Variants in PLD5 observed in about 807,000 individuals in gnomAD.
The protein encoded by PLD5 is inactive phospholipase D5.
In PLD5, 36 loss-of-function variants were observed where a neutral mutation model predicts 61.1. That is an observed-to-expected ratio of 0.59 (90% CI 0.45 to 0.78). The LOEUF (loss-of-function observed/expected upper bound fraction) is 0.78. PLD5 is among the 30% of genes least tolerant of loss of function. PLD5 has a pLI of 0.00. For missense variants in PLD5, 515 were observed against 644.4 expected (o/e 0.80, Z 2.17); for synonymous variants, 243 against 242.8 (o/e 1.00, Z -0.01).
intron 9 of PLD5, among the ~76,000 whole-genome samples, chr1:242,090,328 G>C (rs370563044): frequency 1.3e-5 from 2 of 152,006 alleles, no homozygotes; most frequent in Non-Finnish European, 2.9e-5. Context: ...CTTCAGCTTT[G>C]CTCCGGTGGA....
intron 2 of PLD5, among the ~76,000 whole-genome samples, chr1:242,297,380 C>A (rs181217838): frequency 2.8e-5 from 4 of 142,346 alleles, no homozygotes; most frequent in African/African-American, 1.0e-4. Flanking sequence ...AAGCTTCCCC[C>A]CTTTTCCTAT....
At chr1:242,160,963 T>G (rs1425642050) in intron 5 of PLD5, among the ~76,000 whole-genome samples, 1 of 151,648 alleles carries the variant, frequency 6.6e-6, no homozygotes, top group Non-Finnish European at 1.5e-5. Context: ...TACAATATGA[T>G]TGCTTTTTAA....
chr1:242,292,282 C>T (rs1183798646), intron 2 of PLD5, among the ~76,000 whole-genome samples: 2 of 152,040 alleles, frequency 1.3e-5, no homozygotes, highest in African/African-American at 4.8e-5. Context: ...CAAAAACATC[C>T]CTCCAACAAA....
intron 1 of PLD5, among the ~76,000 whole-genome samples, chr1:242,464,953 C>T (rs911897501): frequency 2.6e-5 from 4 of 152,174 alleles, no homozygotes; most frequent in Non-Finnish European, 4.4e-5. Context: ...ATATGTAAAT[C>T]TACAGAAGTA....
chr1:242,115,174 T>C (rs1025360743), intron 6 of PLD5, among the ~76,000 whole-genome samples: 8 of 151,782 alleles, frequency 5.3e-5, no homozygotes, highest in African/African-American at 1.9e-4. Flanking sequence ...CAAGATGCTG[T>C]CTGAAAAGAA....
intron 1 of PLD5, among the ~76,000 whole-genome samples, chr1:242,448,837 A>G (rs979759716): frequency 3.9e-5 from 6 of 152,182 alleles, no homozygotes; most frequent in African/African-American, 1.4e-4. Context: ...GATAGTTTCA[A>G]AAGAAAAAAA....
intron 4 of PLD5, among the ~76,000 whole-genome samples, chr1:242,252,160 T>C (rs1033731708): frequency 6.6e-6 from 1 of 152,060 alleles, no homozygotes; most frequent in Non-Finnish European, 1.5e-5. Context: ...AAAAAATAGA[T>C]AAAATATAGT....
At chr1:242,257,167 T>A (rs549793691) in intron 4 of PLD5, among the ~76,000 whole-genome samples, 12 of 152,170 alleles carry the variant, frequency 7.9e-5, no homozygotes, top group Non-Finnish European at 1.5e-4. Context: ...ACTATCTATA[T>A]GAAGAATCCC....
chr1:242,216,061 A>G (rs1038895738), intron 5 of PLD5, among the ~76,000 whole-genome samples: 1 of 152,190 alleles, frequency 6.6e-6, no homozygotes, highest in Non-Finnish European at 1.5e-5. Context: ...TTCCTTAGTA[A>G]CAGCACACAT....
intron 1 of PLD5, among the ~76,000 whole-genome samples, chr1:242,394,333 T>G (rs1663236174): frequency 1.1e-5 from 1 of 93,062 alleles, no homozygotes. Context: ...TGAGTATATA[T>G]GTGTGTATAT....
chr1:242,511,242 T>C (rs1000049689), intron 1 of PLD5, among the ~76,000 whole-genome samples: 2 of 152,174 alleles, frequency 1.3e-5, no homozygotes, highest in African/African-American at 4.8e-5. Flanking sequence ...CCCAGGGGTC[T>C]ACGGATATAA....
intron 5 of PLD5, among the ~76,000 whole-genome samples, chr1:242,150,167 A>G (rs1279605753): frequency 6.6e-6 from 1 of 151,862 alleles, no homozygotes; most frequent in Admixed American, 6.6e-5. Context: ...TGTATTCATT[A>G]TAAGTACTTA....
intron 2 of PLD5, among the ~76,000 whole-genome samples, chr1:242,311,723 G>A (rs1676707447): frequency 6.6e-6 from 1 of 152,010 alleles, no homozygotes; most frequent in South Asian, 2.1e-4. Flanking sequence ...AGATTTCTTT[G>A]AGCTTCTTGC....
chr1:242,261,593 T>C (rs1485510094), intron 4 of PLD5, among the ~76,000 whole-genome samples: 4 of 152,112 alleles, frequency 2.6e-5, no homozygotes, highest in Non-Finnish European at 5.9e-5. Context: ...ATATATGAAA[T>C]ACATATATCC....
Position 242,220,068 on chromosome 1 carries a change from G to T in PLD5, c.655C>A (p.Leu219Met). The change falls in exon 5 of 10, where the codon CTG (leucine) becomes ATG (methionine). Residue 219 changes from leucine (L) to methionine (M), a missense_variant. Leu to Met is a conservative substitution (Grantham distance 15). Transcript: ENST00000536534. ...MNMTAYNKGR[L>M]QSSFWIVDKQ... ...TCCACGATCCAGAAGGAGGACTGCA[G>T]CCGGCCCTTGTTGTAAGCGGTCATG... The T allele has an allele frequency of 6.2e-7, 1 of 1,614,202 alleles. No individual in the cohort carries two copies. The highest frequency in any genetic ancestry group is 8.5e-7 in the Non-Finnish European group (1 of 1,180,030).
At chr1:242,499,112 G>A (rs1004987566) in intron 1 of PLD5, among the ~76,000 whole-genome samples, 2 of 152,104 alleles carry the variant, frequency 1.3e-5, no homozygotes, top group African/African-American at 4.8e-5. Flanking sequence ...ACCAGTATTT[G>A]ACAGTATTAT....
chr1:242,468,162 C>T (rs1354596731), intron 1 of PLD5, among the ~76,000 whole-genome samples: 3 of 152,108 alleles, frequency 2.0e-5, no homozygotes, highest in Admixed American at 2.0e-4. Context: ...CAACTCACAT[C>T]CCCAAATGGT....
chr1:242,194,545 G>C (rs72761279), intron 5 of PLD5, among the ~76,000 whole-genome samples: 1 of 147,574 alleles, frequency 6.8e-6, no homozygotes, highest in Non-Finnish European at 1.5e-5. Flanking sequence ...TCAACAAGTG[G>C]ATAAACTGTG....
intron 5 of PLD5, among the ~76,000 whole-genome samples, chr1:242,179,767 G>A (rs962511425): frequency 6.6e-6 from 1 of 152,208 alleles, no homozygotes; most frequent in Non-Finnish European, 1.5e-5. Context: ...GCCGGGCATG[G>A]TGGTGCATGG....
Sources: gnomAD v4.1 joint callset for allele counts (sites outside exome capture counted in the v4.1 genomes callset) on GRCh38, gnomAD v4.1.1 for gene constraint, MANE v1.5 for transcripts, NCBI Gene and HGNC (gene_info 2026-07-23, HGNC 2026-07-21) for gene names.